Variants in LRCH1 observed in about 807,000 individuals in gnomAD.
LRCH1 encodes leucine rich repeats and calponin homology domain containing 1.
LRCH1 carries 23 observed loss-of-function variants against 94.9 expected under a neutral mutation model. The ratio of observed to expected loss-of-function variants is 0.24; its 90% CI spans 0.17 to 0.34. The LOEUF (loss-of-function observed/expected upper bound fraction) is 0.34. Ranked by LOEUF, LRCH1 falls within the 10% of genes least tolerant of loss-of-function variation. The pLI, the probability that LRCH1 is intolerant of heterozygous loss-of-function variation, is 1.00. For synonymous variants in LRCH1, 364 were observed against 354.9 expected (o/e 1.03, Z -0.29); for missense variants, 790 against 945.9 (o/e 0.84, Z 2.16).
At chr13:46,701,884 A>C (rs373067818) in intron 11 of LRCH1, among the ~76,000 whole-genome samples, 12 of 152,342 alleles carry the variant, frequency 7.9e-5, no homozygotes, top group African/African-American at 2.6e-4. Flanking sequence ...GTGGTCTTAT[A>C]ATATGATGAA....
At chr13:46,644,089 G>A (rs1457360484) in intron 1 of LRCH1, among the ~76,000 whole-genome samples, 1 of 152,166 alleles carries the variant, frequency 6.6e-6, no homozygotes, top group Admixed American at 6.5e-5. Flanking sequence ...TGTGTGGGGA[G>A]CTTTATCCAT....
chr13:46,606,612 C>T (rs1005683023), intron 1 of LRCH1, among the ~76,000 whole-genome samples: 3 of 152,128 alleles, frequency 2.0e-5, no homozygotes, highest in Non-Finnish European at 4.4e-5. Context: ...CACTCTGTCG[C>T]CCATGCTGGA....
In LRCH1 at chr13:46,741,985, G is replaced by A. The variant is rs1181287839; in HGVS notation, c.*137G>A. 2.6e-6 allele frequency: 4 copies of A among 1,509,584 alleles called. No individual in the cohort carries two copies. Among genetic ancestry groups the A allele is most frequent in the Non-Finnish European group, 1.8e-6 (2 of 1,137,088 alleles). 93.5% of individuals were successfully genotyped at this position (1,509,584 alleles called of 1,614,324 possible). A position where few individuals can be genotyped will look rare whatever the true frequency, so the allele number is the denominator to read the frequency against. On this transcript the variant is annotated 3_prime_UTR_variant, in exon 20 of 20. Coordinates refer to ENST00000389797, the MANE Select transcript of LRCH1 (RefSeq NM_001164211.2). ...ATCTCTCGAGTTTTGAAGCTGAACA[G>A]TAGCAAATCAGATTTTCCAGAAGCA...
rs970282446 is a variant in LRCH1 at position 46,622,954 on chromosome 13, T to C, written c.308-27247T>C. 2.0e-5 allele frequency among the ~76,000 whole-genome samples: 3 copies of C among 152,204 alleles called. No homozygotes were observed. The South Asian group carries it at 6.2e-4, about 32-fold the overall frequency. On this transcript the variant is annotated intron_variant, in intron 1 of 19. Transcript: ENST00000389797. ...GCTCAGAGCTTAGTGAGCTGAAGCC[T>C]TTTGGGAAAATAGCATTTGGGGAGA...
At chr13:46,653,673 A>G (rs1216728418) in intron 2 of LRCH1, among the ~76,000 whole-genome samples, 1 of 151,904 alleles carries the variant, frequency 6.6e-6, no homozygotes, top group African/African-American at 2.4e-5. Context: ...GAAAAAAAAA[A>G]TACAAAAAGT....
intron 1 of LRCH1, among the ~76,000 whole-genome samples, chr13:46,623,734 T>C (rs2050910724): frequency 6.6e-6 from 1 of 150,948 alleles, no homozygotes; most frequent in Non-Finnish European, 1.5e-5. Flanking sequence ...TATTATACTT[T>C]AAGTTCTAGG....
At chr13:46,636,877 T>G (rs2051097661) in intron 1 of LRCH1, among the ~76,000 whole-genome samples, 3 of 152,196 alleles carry the variant, frequency 2.0e-5, no homozygotes, top group Non-Finnish European at 4.4e-5. Context: ...CAGGGCTGAG[T>G]GCATGGCCCT....
chr13:46,555,328 A>C (rs1594239916), intron 1 of LRCH1, among the ~76,000 whole-genome samples: 2 of 152,234 alleles, frequency 1.3e-5, no homozygotes, highest in South Asian at 4.1e-4. Flanking sequence ...TATCTGCAGA[A>C]AATAGAGCTG....
At chr13:46,663,765 C>G (rs2138105880) in intron 2 of LRCH1, among the ~76,000 whole-genome samples, 1 of 152,332 alleles carries the variant, frequency 6.6e-6, no homozygotes, top group East Asian at 1.9e-4. Context: ...CTTGCTAGCT[C>G]CTTTCCCTTG....
intron 1 of LRCH1, among the ~76,000 whole-genome samples, chr13:46,602,949 C>G (rs1027447629): frequency 1.4e-5 from 2 of 138,254 alleles, no homozygotes; most frequent in Non-Finnish European, 3.1e-5. Context: ...ACCCGGTCAA[C>G]AAATACATAC....
intron 3 of LRCH1, among the ~76,000 whole-genome samples, chr13:46,676,447 T>C (rs1339050475): frequency 1.3e-5 from 2 of 152,196 alleles, no homozygotes; most frequent in East Asian, 1.9e-4. Context: ...AATCCTTACC[T>C]GTTCTTTTGA....
chr13:46,711,651 C>A, intron 13 of LRCH1, 140 bp from the exon 14 acceptor site: 1 of 577,464 alleles, frequency 1.7e-6, no homozygotes, highest in Non-Finnish European at 3.1e-6. Context: ...AGTTACTGAA[C>A]ACACTAACTA....
At chr13:46,573,866 A>ATATATATATATATATATATTTTTTT in intron 1 of LRCH1, among the ~76,000 whole-genome samples, 5 of 63,392 alleles carry the variant, frequency 7.9e-5, no homozygotes, top group Non-Finnish European at 1.3e-4. Flanking sequence ...ATATATATAT[A>ATATATATATATATATATATTTTTTT]TTTTTTTTTT....
At chr13:46,595,905 G>A (rs2050557432) in intron 1 of LRCH1, among the ~76,000 whole-genome samples, 1 of 151,190 alleles carries the variant, frequency 6.6e-6, no homozygotes, top group Admixed American at 6.6e-5. Flanking sequence ...AGACAGGGAT[G>A]TTAAAGGTAG....
At chr13:46,574,213 C>G (rs1438852158) in intron 1 of LRCH1, among the ~76,000 whole-genome samples, 1 of 151,522 alleles carries the variant, frequency 6.6e-6, no homozygotes, top group Non-Finnish European at 1.5e-5. Flanking sequence ...TATAATTATC[C>G]TTTGTAACAC....
At chr13:46,670,655 C>CCCT (rs2051586459) in intron 3 of LRCH1, among the ~76,000 whole-genome samples, 1 of 23,216 alleles carries the variant, frequency 4.3e-5, no homozygotes, top group African/African-American at 1.1e-4. Flanking sequence ...CACTGCCCAT[C>CCCT]CCCCCCCAAC....
intron 1 of LRCH1, among the ~76,000 whole-genome samples, chr13:46,606,124 T>A (rs2137992249): frequency 6.7e-6 from 1 of 150,108 alleles, no homozygotes; most frequent in South Asian, 2.1e-4. Flanking sequence ...ATCCTTTAAA[T>A]GCTCAAACTC....
At chr13:46,657,500 CTTTTTTTTTT>C (rs67588975) in intron 2 of LRCH1, among the ~76,000 whole-genome samples, 25 of 11,382 alleles carry the variant, frequency 2.2e-3, no homozygotes, top group Non-Finnish European at 2.6e-3. Flanking sequence ...CTTTTCTTTT[CTTTTTTTTTT>C]TTTTTTTTTT....
chr13:46,695,794 T>C (rs1023754605), intron 9 of LRCH1, among the ~76,000 whole-genome samples: 2 of 152,206 alleles, frequency 1.3e-5, no homozygotes, highest in African/African-American at 2.4e-5. Context: ...CATTGTGTCC[T>C]GATGGCTGGA....
Sources: gnomAD v4.1 joint callset for allele counts (sites outside exome capture counted in the v4.1 genomes callset) on GRCh38, gnomAD v4.1.1 for gene constraint, MANE v1.5 for transcripts, NCBI Gene and HGNC (gene_info 2026-07-23, HGNC 2026-07-21) for gene names.